FAM135B: variants seen among roughly 807,000 people sequenced by gnomAD.
FAM135B encodes the protein family with sequence similarity 135 member B.
In FAM135B, 43 loss-of-function variants were observed where a neutral mutation model predicts 127.7. The ratio of observed to expected loss-of-function variants is 0.34; its 90% CI spans 0.26 to 0.43. FAM135B has a LOEUF of 0.43. FAM135B is among the 20% of genes least tolerant of loss of function. The pLI is 1.00. For synonymous variants in FAM135B, 670 were observed against 665.1 expected, an observed-to-expected ratio of 1.01 and a Z score of -0.11; for missense variants, 1,558 against 1,725.6, an observed-to-expected ratio of 0.90 and a Z score of 1.72.
chr8:138,189,789 T>G (rs984103291), intron 9 of FAM135B, among the ~76,000 whole-genome samples: 5 of 152,192 alleles, frequency 3.3e-5, no homozygotes, highest in Admixed American at 2.0e-4. Context: ...ACGAAGGGGT[T>G]AGGGAAAATT....
At chr8:138,136,019 T>C (rs1488596315) in intron 19 of FAM135B, among the ~76,000 whole-genome samples, 1 of 151,946 alleles carries the variant, frequency 6.6e-6, no homozygotes, top group Non-Finnish European at 1.5e-5. Flanking sequence ...TGTAAATGAG[T>C]TTGACTTTTT....
intron 1 of FAM135B, among the ~76,000 whole-genome samples, chr8:138,443,377 G>T (rs978389951): frequency 6.6e-6 from 1 of 152,042 alleles, no homozygotes; most frequent in Non-Finnish European, 1.5e-5. Context: ...CAGAAAATAT[G>T]ATCTGAACTC....
At position 138,317,380 on chromosome 8, in the gene FAM135B, G is replaced by A. The variant is rs144286032; in HGVS notation, c.78-6460C>T. On this transcript the variant is annotated intron_variant, in intron 2 of 19. Coordinates refer to ENST00000395297, the MANE Select transcript of FAM135B (RefSeq NM_015912.4). ...ATGGGAGAGAGAGGCAAGCGGGTGT[G>A]GCTATCAAAGAGCAACATAAAATGT... Among the ~76,000 whole-genome samples, 6 of 152,236 alleles carry A rather than the reference G, an allele frequency of 3.9e-5. No homozygotes were observed. The East Asian group carries it at 1.2e-3, about 29-fold the overall frequency.
chr8:138,302,048 T>C (rs559945612), intron 3 of FAM135B, among the ~76,000 whole-genome samples: 1 of 152,282 alleles, frequency 6.6e-6, no homozygotes, highest in South Asian at 2.1e-4. Context: ...AAAACTAAAA[T>C]AGCCAGTGTT....
At chr8:138,435,566 TATTA>T (rs1835413558) in intron 1 of FAM135B, among the ~76,000 whole-genome samples, 1 of 152,224 alleles carries the variant, frequency 6.6e-6, no homozygotes. Flanking sequence ...ATATTACTTT[TATTA>T]TTTATCAAAT....
chr8:138,233,322 A>G (rs1309176678), intron 7 of FAM135B, among the ~76,000 whole-genome samples: 1 of 152,198 alleles, frequency 6.6e-6, no homozygotes, highest in Non-Finnish European at 1.5e-5. Flanking sequence ...TCATACCTCA[A>G]TAAAGTGGTT....
chr8:138,400,389 G>A (rs1368615780), intron 1 of FAM135B, among the ~76,000 whole-genome samples: 2 of 152,300 alleles, frequency 1.3e-5, no homozygotes, highest in Middle Eastern at 3.4e-3. Flanking sequence ...TGGATCAACA[G>A]AGGGACCAGA....
At chr8:138,314,564 C>T (rs1188898841) in intron 2 of FAM135B, among the ~76,000 whole-genome samples, 1 of 151,900 alleles carries the variant, frequency 6.6e-6, no homozygotes, top group East Asian at 1.9e-4. Flanking sequence ...AACAGAGTAT[C>T]AATGCAGTCT....
chr8:138,207,588 C>G (rs1817797847), intron 7 of FAM135B, among the ~76,000 whole-genome samples: 1 of 152,110 alleles, frequency 6.6e-6, no homozygotes, highest in Admixed American at 6.6e-5. Context: ...TCCTGAGGGA[C>G]AGTTCATTGC....
chr8:138,327,176 A>G (rs1016923293), intron 2 of FAM135B, among the ~76,000 whole-genome samples: 4 of 152,202 alleles, frequency 2.6e-5, no homozygotes, highest in South Asian at 2.1e-4. Flanking sequence ...GTAAATATCA[A>G]TAATAAGCAG....
intron 6 of FAM135B, among the ~76,000 whole-genome samples, chr8:138,244,297 C>T (rs753519420): frequency 1.4e-5 from 2 of 145,384 alleles, no homozygotes; most frequent in Admixed American, 7.5e-5. Flanking sequence ...ATGATGCAAA[C>T]GAGGTGAAAA....
intron 7 of FAM135B, among the ~76,000 whole-genome samples, chr8:138,201,560 TAGTC>T (rs1309971364): frequency 6.6e-6 from 1 of 152,246 alleles, no homozygotes; most frequent in East Asian, 1.9e-4. Context: ...AAAATCCCAT[TAGTC>T]AGTCGGGCAG....
intron 2 of FAM135B, among the ~76,000 whole-genome samples, chr8:138,336,780 C>A (rs1587135544): frequency 6.6e-6 from 1 of 152,206 alleles, no homozygotes; most frequent in East Asian, 1.9e-4. Flanking sequence ...ATCCTGATAC[C>A]AAAGCCTGGC....
chr8:138,212,879 A>G (rs1818249242), intron 7 of FAM135B, among the ~76,000 whole-genome samples: 1 of 152,242 alleles, frequency 6.6e-6, no homozygotes, highest in African/African-American at 2.4e-5. Context: ...TTATAAAACC[A>G]TAAACACCTT....
intron 1 of FAM135B, among the ~76,000 whole-genome samples, chr8:138,447,062 C>G (rs1008406281): frequency 1.3e-5 from 2 of 151,538 alleles, no homozygotes; most frequent in African/African-American, 4.8e-5. Context: ...AAATGCTCAT[C>G]ATCACTGGCC....
chr8:138,469,006 T>G (rs1837530235), intron 1 of FAM135B, among the ~76,000 whole-genome samples: 1 of 151,396 alleles, frequency 6.6e-6, no homozygotes. Context: ...ATACAGCCAG[T>G]GCGCTCCAGC....
At chr8:138,149,973 A>C (rs927726436) in intron 13 of FAM135B, among the ~76,000 whole-genome samples, 15 of 152,226 alleles carry the variant, frequency 9.9e-5, no homozygotes, top group African/African-American at 3.4e-4. Flanking sequence ...GACAAGTACC[A>C]TATGATAGGT....
intron 1 of FAM135B, among the ~76,000 whole-genome samples, chr8:138,422,127 G>T (rs1484356219): frequency 6.6e-6 from 1 of 151,914 alleles, no homozygotes; most frequent in African/African-American, 2.4e-5. Flanking sequence ...AACACAAAAT[G>T]GATTAAAGAC....
intron 3 of FAM135B, among the ~76,000 whole-genome samples, chr8:138,295,315 G>C (rs181064634): frequency 2.6e-4 from 40 of 151,978 alleles, no homozygotes; most frequent in African/African-American, 9.2e-4. Context: ...CGGTGACTTT[G>C]ACATTGACTC....
Sources: gnomAD v4.1 joint callset for allele counts (sites outside exome capture counted in the v4.1 genomes callset) on GRCh38, gnomAD v4.1.1 for gene constraint, MANE v1.5 for transcripts, NCBI Gene and HGNC (gene_info 2026-07-23, HGNC 2026-07-21) for gene names.